URGCP: variants seen among roughly 807,000 people sequenced by gnomAD.
The protein encoded by URGCP is up-regulator of cell proliferation.
Under a neutral mutation model 24.6 loss-of-function variants are expected in URGCP, and 13 were observed. That is an observed-to-expected ratio of 0.53 (90% CI 0.34 to 0.84). The LOEUF (loss-of-function observed/expected upper bound fraction) is 0.84. Among genes scored for constraint, URGCP ranks in the 40% least tolerant of loss-of-function variants. URGCP has a pLI of 0.01. For missense variants in URGCP, 899 were observed against 1,194.3 expected, an observed-to-expected ratio of 0.75 and a Z score of 3.64; for synonymous variants, 444 against 487.2, an observed-to-expected ratio of 0.91 and a Z score of 1.17.
chr7:43,894,779 T>C (rs1018252080), intron 1 of URGCP, among the ~76,000 whole-genome samples: 1 of 152,114 alleles, frequency 6.6e-6, no homozygotes, highest in African/African-American at 2.4e-5. Context: ...AATGTAATTA[T>C]GGCACTTTGG....
At chr7:43,910,606 G>A (rs2095909102), upstream of URGCP, 1 of 151,966 alleles carries the variant, frequency 6.6e-6, no homozygotes, top group Non-Finnish European at 1.5e-5. Context: ...TTTAATCCCA[G>A]CACTTTTAGA....
chr7:43,903,115 C>T (rs2528386), intron 1 of URGCP, among the ~76,000 whole-genome samples: 93,545 of 147,234 alleles, frequency 0.64, 29,593 homozygotes, highest in South Asian at 0.77. Context: ...GAGACCCCCA[C>T]TGCTATTAAA....
At chr7:43,894,392 A>T (rs2095875390) in intron 1 of URGCP, among the ~76,000 whole-genome samples, 1 of 152,176 alleles carries the variant, frequency 6.6e-6, no homozygotes, top group South Asian at 2.1e-4. Context: ...TCTGTTGCCC[A>T]GGCTGATGTG....
intron 1 of URGCP, chr7:43,919,729 A>C: frequency 7.3e-7 from 1 of 1,376,646 alleles, no homozygotes; most frequent in African/African-American, 1.4e-5. Flanking sequence ...CGGGAATGGA[A>C]GTTGGCCAAC....
rs1404257746 is a variant in URGCP, at chr7:43,906,385, T to G, written c.14+177A>C. ...CCGCCCCCCACGCCCGCGCGGCCGG[T>G]CCGCCCAAGGTCGGCGCGAGCGGGC... On this transcript the variant is annotated intron_variant, in intron 1 of 5. Transcript: ENST00000453200. 1.5e-4 allele frequency: 85 copies of G among 569,276 alleles called. 4 individuals are homozygous for G. Among genetic ancestry groups the G allele is most frequent in the South Asian group, 3.1e-4 (4 of 12,782 alleles). 35.3% of individuals were successfully genotyped at this position (569,276 alleles called of 1,614,324 possible). A position where few individuals can be genotyped will look rare whatever the true frequency, so the allele number is the denominator to read the frequency against.
At chr7:43,910,670 C>T (rs967037980), upstream of URGCP, 62 of 151,926 alleles carry the variant, frequency 4.1e-4, 1 homozygote, top group Admixed American at 4.0e-3. Context: ...GCCTGGGAAA[C>T]ATAGTAAGAC....
At position 43,877,923 on chromosome 7, in the gene URGCP, G is replaced by A. The variant is rs774594296; in HGVS notation, c.1540C>T (p.Leu514Phe). The A allele has an allele frequency of 1.2e-6, 2 of 1,613,988 alleles. No homozygotes were observed. The highest frequency in any genetic ancestry group is 1.7e-6 in the Non-Finnish European group (2 of 1,180,034). Residue 514 changes from leucine to phenylalanine, a missense_variant, in exon 6 of 6, where the codon CTC (leucine) becomes TTC (phenylalanine). Physicochemically the swap from Leu to Phe is conservative, Grantham distance 22. Coordinates refer to ENST00000453200, the MANE Select transcript of URGCP (RefSeq NM_001077663.3). The part of the protein sequence containing the change: ...AAQVEKEFCQ[L>F]QWAVDPPEKH... Reference sequence around the variant, plus strand: ...TCAGGGGGGTCCACGGCCCACTGGAGCTGGCAGAACTCCTTCTCCACTTGG... The same window carrying A: ...TCAGGGGGGTCCACGGCCCACTGGAACTGGCAGAACTCCTTCTCCACTTGG...
intron 1 of URGCP, among the ~76,000 whole-genome samples, chr7:43,924,220 G>C (rs1048558237): frequency 6.6e-6 from 1 of 152,110 alleles, no homozygotes; most frequent in African/African-American, 2.4e-5. Context: ...TTATTTCAAT[G>C]TTAAAAATGA....
intron 1 of URGCP, among the ~76,000 whole-genome samples, chr7:43,916,161 CCAGGAAT>C (rs1251393657): frequency 6.6e-6 from 1 of 152,168 alleles, no homozygotes; most frequent in Non-Finnish European, 1.5e-5. Flanking sequence ...CTCCACCAGG[CCAGGAAT>C]AGGTTGGTGC....
At chr7:43,920,351 T>G (rs549591314) in intron 1 of URGCP, among the ~76,000 whole-genome samples, 531 of 152,222 alleles carry the variant, frequency 3.5e-3, no homozygotes, top group Non-Finnish European at 5.3e-3. Context: ...CCTGAAGTCA[T>G]GAGTTCAAGA....
intron 1 of URGCP, among the ~76,000 whole-genome samples, chr7:43,900,874 G>A (rs1373098203): frequency 6.6e-6 from 1 of 152,164 alleles, no homozygotes; most frequent in African/African-American, 2.4e-5. Context: ...GGCCATGTGA[G>A]CCCATCCTTA....
Position 43,876,551 on chromosome 7 carries a change from A to G in URGCP, c.*116T>C, listed in dbSNP as rs2095844652. The G allele has an allele frequency of 5.2e-6, 6 of 1,158,610 alleles. No homozygotes were observed. In the Admixed American group the frequency reaches 1.1e-4, roughly 21 times the overall value. 71.8% of individuals were successfully genotyped at this position (1,158,610 alleles called of 1,614,324 possible). A position where few individuals can be genotyped will look rare whatever the true frequency, so the allele number is the denominator to read the frequency against. On this transcript the variant is annotated 3_prime_UTR_variant, in exon 6 of 6. Coordinates refer to ENST00000453200, the MANE Select transcript of URGCP (RefSeq NM_001077663.3). The stretch of plus-strand genomic sequence containing the variant: ...AACCCTGTCTTTTCCTCGTCTTCTC[A>G]TGTCGATTGGGCACCAGCCATTCTC...
chr7:43,916,843 C>T lies in URGCP; in HGVS notation c.-116+9289G>A, dbSNP rs553888407. ...GCCTTGCTTTCTCTCCCTCATGTACCTCGGGTATTTGCTAGGAAGAGAAGG... is the reference window on the plus strand; with the variant it reads ...GCCTTGCTTTCTCTCCCTCATGTACTTCGGGTATTTGCTAGGAAGAGAAGG... On this transcript the variant is annotated intron_variant, in intron 1 of 5. Transcript: ENST00000426198. Among the ~76,000 whole-genome samples the T allele has an allele frequency of 1.2e-4, 18 of 151,912 alleles. No homozygotes were observed. The East Asian group carries it at 3.1e-3, about 26-fold the overall frequency.
At chr7:43,890,936 T>C (rs1375042520) in intron 1 of URGCP, among the ~76,000 whole-genome samples, 1 of 152,238 alleles carries the variant, frequency 6.6e-6, no homozygotes, top group Admixed American at 6.5e-5. Flanking sequence ...CAGAAGACAA[T>C]GCAGGGTTAA....
In URGCP at chr7:43,877,927, G is replaced by A; in HGVS notation, c.1536C>T (p.Cys512=). ...GGGGGTCCACGGCCCACTGGAGCTG[G>A]CAGAACTCCTTCTCCACTTGGGCTG... is the stretch of plus-strand genomic sequence containing the variant. ...RKAAQVEKEF[C]QLQWAVDPPE... Residue 512 remains cysteine (C), a synonymous_variant, in exon 6 of 6, where the codon TGC becomes TGT. Transcript: ENST00000453200. 1 of 1,614,080 alleles carries A rather than the reference G, an allele frequency of 6.2e-7. No homozygotes were observed.
intron 1 of URGCP, among the ~76,000 whole-genome samples, chr7:43,891,500 CA>C (rs2095870607): frequency 6.6e-6 from 1 of 152,200 alleles, no homozygotes; most frequent in African/African-American, 2.4e-5. Context: ...AAATAAGTCA[CA>C]ATCTTCCTGC....
Position 43,877,898 on chromosome 7 carries a change from T to G in URGCP, c.1565A>C (p.Glu522Ala), listed in dbSNP as rs1287977110. The change falls in exon 6 of 6, where the codon GAG (glutamate) becomes GCG (alanine). Residue 522 changes from glutamate to alanine, a missense_variant. Physicochemically the swap from Glu to Ala is moderately radical, Grantham distance 107. Transcript: ENST00000453200. ...CQLQWAVDPP[E>A]KHRAELRRRL... ...CCGCCTCAGCTCAGCCCTGTGCTTC[T>G]CAGGGGGGTCCACGGCCCACTGGAG... 1 of 1,613,982 alleles carries G rather than the reference T, an allele frequency of 6.2e-7. No individual in the cohort carries two copies. Among genetic ancestry groups the G allele is most frequent in the Admixed American group, 1.7e-5 (1 of 60,026 alleles).
chr7:43,895,493 T>C (rs957350228), intron 1 of URGCP, among the ~76,000 whole-genome samples: 2 of 152,210 alleles, frequency 1.3e-5, no homozygotes, highest in Non-Finnish European at 2.9e-5. Context: ...CTTGCCAGCA[T>C]GGCAAAACCC....
intron 1 of URGCP, among the ~76,000 whole-genome samples, chr7:43,893,246 C>T (rs1157079702): frequency 2.0e-5 from 3 of 151,546 alleles, no homozygotes; most frequent in Non-Finnish European, 4.4e-5. Context: ...AGAGGATCAC[C>T]TGAGCCCTGG....
Sources: allele counts gnomAD v4.1 joint callset (sites outside exome capture counted in the v4.1 genomes callset), GRCh38; gene constraint gnomAD v4.1.1; transcripts MANE v1.5; gene names NCBI Gene and HGNC (gene_info 2026-07-23, HGNC 2026-07-21).